The following DMAC2L variants were observed in gnomAD, a reference collection of about 807,000 sequenced individuals.
DMAC2L encodes the protein ATP synthase subunit s, mitochondrial.
DMAC2L carries 21 observed loss-of-function variants against 22.5 expected under a neutral mutation model. The ratio of observed to expected loss-of-function variants is 0.93; its 90% CI spans 0.66 to 1.34. DMAC2L has a LOEUF of 1.34. DMAC2L is among the 40% of genes most tolerant of loss of function. The probability of loss-of-function intolerance (pLI) is 0.00; values close to 1 mark genes in which losing one functional copy is unlikely to be tolerated. For missense variants in DMAC2L, 239 were observed against 246.5 expected (o/e 0.97, Z 0.20); for synonymous variants, 86 against 89.5 (o/e 0.96, Z 0.22).
intron 2 of DMAC2L, among the ~76,000 whole-genome samples, chr14:50,317,626 C>T (rs973252594): frequency 6.6e-6 from 1 of 151,882 alleles, no homozygotes; most frequent in African/African-American, 2.4e-5. Context: ...AAAAATTAGC[C>T]GGACGTGGTG....
At chr14:50,315,826 G>T (rs1221200434) in intron 2 of DMAC2L, among the ~76,000 whole-genome samples, 2 of 152,040 alleles carry the variant, frequency 1.3e-5, no homozygotes, top group African/African-American at 4.8e-5. Context: ...ATTTGGGTTG[G>T]TTCCACATTT....
At position 50,322,595 on chromosome 14, in the gene DMAC2L, C is replaced by T; in HGVS notation, c.192C>T (p.Tyr64=). The change falls in exon 4 of 6, where the codon TAC becomes TAT. Residue 64 remains tyrosine, a synonymous_variant. Coordinates refer to ENST00000557421, the MANE Select transcript of DMAC2L (RefSeq NM_001382507.1). ...WLLRCGAMVR[Y]HGQERWQKDY... ...TGCGCTGTGGGGCCATGGTGCGCTA[C>T]CATGGCCAGGAGAGGTGGCAGAAGG... The T allele has an allele frequency of 1.2e-6, 2 of 1,614,142 alleles. No homozygotes were observed. The highest frequency in any genetic ancestry group is 1.1e-5 in the South Asian group (1 of 91,076).
chr14:50,316,227 T>C (rs2031789787), intron 2 of DMAC2L, among the ~76,000 whole-genome samples: 1 of 152,198 alleles, frequency 6.6e-6, no homozygotes, highest in Non-Finnish European at 1.5e-5. Context: ...ATTGTCTTCA[T>C]GTCCTTAGCC....
chr14:50,326,394 AGTT>A lies in DMAC2L; in HGVS notation c.*672_*674del. 1 of 943,152 alleles carries A rather than the reference AGTT, an allele frequency of 1.1e-6. No homozygotes were observed. Among genetic ancestry groups the A allele is most frequent in the Non-Finnish European group, 1.3e-6 (1 of 791,418 alleles). The allele number at this position is 943,152 out of a possible 1,614,324, so 58.4% of individuals were successfully genotyped here. On this transcript the variant is annotated 3_prime_UTR_variant, in exon 6 of 6. Transcript: ENST00000557421. ...AACAGTAATTTACATTTAACTTTAA[AGTT>A]AGTGAAGCATACTACCATAAATGCA...
intron 2 of DMAC2L, among the ~76,000 whole-genome samples, chr14:50,319,994 C>T (rs2032131693): frequency 6.6e-6 from 1 of 152,250 alleles, no homozygotes; most frequent in Non-Finnish European, 1.5e-5. Context: ...GAAGCCCTTG[C>T]TGACTGGCTG....
At chr14:50,321,456 A>G (rs1240468191) in intron 2 of DMAC2L, 27 bp from the exon 3 acceptor site, 1 of 1,612,656 alleles carries the variant, frequency 6.2e-7, no homozygotes, top group Non-Finnish European at 8.5e-7. Context: ...ATGATGATCT[A>G]ATGTAAGTAC....
chr14:50,317,375 T>C (rs1566555026), intron 2 of DMAC2L, among the ~76,000 whole-genome samples: 1 of 152,228 alleles, frequency 6.6e-6, no homozygotes, highest in Non-Finnish European at 1.5e-5. Context: ...CATTAGCAAA[T>C]AGCAAGTTTG....
intron 1 of DMAC2L, 85 bp from the exon 2 acceptor site, chr14:50,314,506 G>A (rs2031591590): frequency 4.4e-6 from 2 of 455,488 alleles, no homozygotes; most frequent in South Asian, 3.1e-5. Context: ...CATTTGAGTT[G>A]TTTCTAGTTT....
Position 50,325,605 on chromosome 14 carries a change from G to A in DMAC2L, c.489-4G>A. ...ATTGAAGTGACTTTTTTCTTTATTTGCAGAAACCTCAAATATTTGTTGTTA... is the reference window on the plus strand; with the variant it reads ...ATTGAAGTGACTTTTTTCTTTATTTACAGAAACCTCAAATATTTGTTGTTA... On this transcript the variant is annotated splice_polypyrimidine_tract_variant and splice_region_variant and intron_variant, in intron 5 of 5. Coordinates refer to ENST00000557421, the MANE Select transcript of DMAC2L (RefSeq NM_001382507.1). The A allele has an allele frequency of 6.3e-7, 1 of 1,595,950 alleles. No individual in the cohort carries two copies. The highest frequency in any genetic ancestry group is 8.5e-7 in the Non-Finnish European group (1 of 1,171,334).
At chr14:50,314,420 G>A (rs191563524) in intron 1 of DMAC2L, among the ~76,000 whole-genome samples, 171 bp from the exon 2 acceptor site, 58 of 152,158 alleles carry the variant, frequency 3.8e-4, no homozygotes, top group Middle Eastern at 3.4e-3. Context: ...TTTTCTTCTC[G>A]GTCTCGGGTA....
rs978117810 is a variant in DMAC2L at position 50,326,045 on chromosome 14, A to C, written c.*322A>C. The C allele has an allele frequency of 4.5e-6, 2 of 444,870 alleles. No individual in the cohort carries two copies. The highest frequency in any genetic ancestry group is 4.3e-5 in the African/African-American group (2 of 46,562). The allele number at this position is 444,870 out of a possible 1,614,324, so 27.6% of individuals were successfully genotyped here. On this transcript the variant is annotated 3_prime_UTR_variant, in exon 6 of 6. Transcript: ENST00000557421. ...AGGAGTTCAAGACCAACCATGGCCA[A>C]CATGGTGAAACCCCATCTCTACTAA...
chr14:50,326,800 G>A lies in DMAC2L; in HGVS notation c.*1077G>A. On this transcript the variant is annotated 3_prime_UTR_variant, in exon 6 of 6. Transcript: ENST00000557421. ...TCGTGCCTGTAATCCCAGTGCTTTG[G>A]GAGGCTGAGGTGGGAGGATCACTTG... 1.0e-6 allele frequency: 1 copy of A among 969,948 alleles called. No homozygotes were observed. Among genetic ancestry groups the A allele is most frequent in the Non-Finnish European group, 1.2e-6 (1 of 815,990 alleles). The allele number at this position is 969,948 out of a possible 1,614,324, so 60.1% of individuals were successfully genotyped here. A position where few individuals can be genotyped will look rare whatever the true frequency, so the allele number is the denominator to read the frequency against.
intron 1 of DMAC2L, 86 bp from the exon 2 acceptor site, chr14:50,314,502 AGTT>A: frequency 4.4e-6 from 2 of 455,444 alleles, no homozygotes; most frequent in South Asian, 3.1e-5. Flanking sequence ...AGGACATTTG[AGTT>A]GTTTCTAGTT....
upstream of DMAC2L, chr14:50,312,308 C>A: frequency 2.7e-6 from 3 of 1,122,828 alleles, no homozygotes; most frequent in African/African-American, 1.6e-5. Flanking sequence ...AATAGGCGCG[C>A]GCGTCGGAGG....
chr14:50,312,759 G>C (rs984258299), intron 1 of DMAC2L: 8 of 470,904 alleles, frequency 1.7e-5, no homozygotes, highest in Non-Finnish European at 2.6e-5. Flanking sequence ...CTAGAAGGGC[G>C]CTCCCTGTCC....
At chr14:50,314,340 T>A (rs1311705551) in intron 1 of DMAC2L, among the ~76,000 whole-genome samples, 4 of 152,226 alleles carry the variant, frequency 2.6e-5, no homozygotes, top group African/African-American at 9.7e-5. Context: ...TGTGACTTGC[T>A]CCTCCTTGCC....
chr14:50,311,794 C>T (rs773563762), upstream of DMAC2L, among the ~76,000 whole-genome samples: 23 of 152,222 alleles, frequency 1.5e-4, no homozygotes, highest in Non-Finnish European at 3.1e-4. Flanking sequence ...GAGCTACTCC[C>T]GACCTCTACT....
intron 2 of DMAC2L, among the ~76,000 whole-genome samples, chr14:50,316,225 C>T (rs114913443): frequency 0.014 from 2,113 of 152,158 alleles, 50 homozygotes; most frequent in African/African-American, 0.048. Context: ...GAATTGTCTT[C>T]ATGTCCTTAG....
chr14:50,325,667 G>T lies in DMAC2L; in HGVS notation c.547G>T (p.Val183Phe), dbSNP rs922227062. 6.2e-7 allele frequency: 1 copy of T among 1,613,064 alleles called. No homozygotes were observed. The highest frequency in any genetic ancestry group is 2.2e-5 in the East Asian group (1 of 44,738). ...TGGAGTAAGAGAAAAAGAAAATCTT[G>T]TCCAAGCCTTTAAGACAGCACTGCC... ...LPGVREKENL[V>F]QAFKTALPSL... Residue 183 changes from valine to phenylalanine, a missense_variant, in exon 6 of 6, where the codon GTC becomes TTC. By Grantham distance (50) the Val-to-Phe change is conservative. Transcript: ENST00000557421.
Sources: allele counts gnomAD v4.1 joint callset (sites outside exome capture counted in the v4.1 genomes callset), GRCh38; gene constraint gnomAD v4.1.1; transcripts MANE v1.5; gene names NCBI Gene and HGNC (gene_info 2026-07-23, HGNC 2026-07-21).